Variants in POGLUT2 observed in about 807,000 individuals in gnomAD.
POGLUT2 encodes protein O-glucosyltransferase 2.
Under a neutral mutation model 57.6 loss-of-function variants are expected in POGLUT2, and 47 were observed. That is an observed-to-expected ratio of 0.82 (90% CI 0.65 to 1.04). The LOEUF is 1.04. POGLUT2 is among the 50% of genes least tolerant of loss of function. POGLUT2 has a pLI of 0.00. For missense variants in POGLUT2, 565 were observed against 614.8 expected (o/e 0.92, Z 0.86); for synonymous variants, 200 against 218.8 (o/e 0.91, Z 0.76).
chr13:102,787,744 C>T (rs1878006843), intron 8 of POGLUT2, 90 bp downstream of exon 8: 2 of 621,892 alleles, frequency 3.2e-6, no homozygotes, highest in South Asian at 5.8e-5. Flanking sequence ...CCTATAGTAA[C>T]ATATGTTTAG....
chr13:102,785,782 T>C (rs4772500), intron 9 of POGLUT2, among the ~76,000 whole-genome samples: 97,043 of 152,088 alleles, frequency 0.64, 34,105 homozygotes, highest in Non-Finnish European at 0.79. Context: ...GAGATCCTTA[T>C]GTAGTGGTAT....
At chr13:102,786,435 C>A (rs1595305343) in intron 8 of POGLUT2, 96 bp from the exon 9 acceptor site, 1 of 819,706 alleles carries the variant, frequency 1.2e-6, no homozygotes, top group Non-Finnish European at 2.1e-6. Context: ...ATTCATTTAA[C>A]TCATGTGTGT....
At chr13:102,794,320 T>C (rs376938340) in intron 2 of POGLUT2, among the ~76,000 whole-genome samples, 1 of 152,166 alleles carries the variant, frequency 6.6e-6, no homozygotes, top group Admixed American at 6.5e-5. Context: ...CAGTGAAGTT[T>C]TGTGATATTT....
At position 102,789,140 on chromosome 13, in the gene POGLUT2, T is replaced by G. The variant is rs763839810; in HGVS notation, c.1165A>C (p.Lys389Gln). 9.3e-6 allele frequency: 15 copies of G among 1,614,046 alleles called. No homozygotes were observed. The highest frequency in any genetic ancestry group is 4.0e-5 in the African/African-American group (3 of 74,916). Residue 389 changes from lysine (K) to glutamine (Q), a missense_variant, in exon 7 of 10, where the codon AAG becomes CAG. Coordinates refer to ENST00000376004, the MANE Select transcript of POGLUT2 (RefSeq NM_024089.3). ...TGTTCATAGTAGATGGAATCCTGCT[T>G]CAGCACAACACTGTCACCAACTAGC... The part of the protein sequence containing the change: ...YLLVGDSVVL[K>Q]QDSIYYEHFY...
intron 2 of POGLUT2, 37 bp from the exon 3 acceptor site, chr13:102,793,843 A>T (rs372709514): frequency 6.5e-7 from 1 of 1,547,550 alleles, no homozygotes; most frequent in Non-Finnish European, 8.9e-7. Flanking sequence ...AACAGTGATC[A>T]TTTCACTCAG....
At chr13:102,797,602 C>T (rs1309023226) in intron 1 of POGLUT2, among the ~76,000 whole-genome samples, 1 of 146,734 alleles carries the variant, frequency 6.8e-6, no homozygotes, top group Non-Finnish European at 1.5e-5. Flanking sequence ...AATAGCCAGG[C>T]GAGGTGGCAC....
intron 2 of POGLUT2, 152 bp downstream of exon 2, chr13:102,796,652 A>G: frequency 4.6e-6 from 1 of 215,650 alleles, no homozygotes; most frequent in Non-Finnish European, 8.5e-6. Flanking sequence ...CTTAGCTTTC[A>G]AGTAGAAAGC....
In POGLUT2 at chr13:102,793,628, T is replaced by C. The variant is rs1595310705; in HGVS notation, c.567A>G (p.Leu189=). ...IPKRFGQRQS[L]CHYTLKDNKV... ...TGTTATCCTTTAAGGTGTAGTGACATAGGCTCTGCCTCTGTCCAAATCTTT... is the reference window on the plus strand; with the variant it reads ...TGTTATCCTTTAAGGTGTAGTGACACAGGCTCTGCCTCTGTCCAAATCTTT... Residue 189 remains leucine, a synonymous_variant, in exon 3 of 10, where the codon CTA becomes CTG. Coordinates refer to ENST00000376004, the MANE Select transcript of POGLUT2 (RefSeq NM_024089.3). 10 of 1,613,392 alleles carry C rather than the reference T, an allele frequency of 6.2e-6. No individual in the cohort carries two copies. Among genetic ancestry groups the C allele is most frequent in the Non-Finnish European group, 8.5e-6 (10 of 1,179,298 alleles).
At chr13:102,791,172 AATC>A (rs1295258796) in intron 5 of POGLUT2, 34 bp from the exon 6 acceptor site, 1 of 1,609,518 alleles carries the variant, frequency 6.2e-7, no homozygotes, top group East Asian at 2.2e-5. Flanking sequence ...TTTCCTCCCA[AATC>A]ATCATATCAC....
Position 102,791,446 on chromosome 13 carries a change from C to T in POGLUT2, c.673-16G>A, listed in dbSNP as rs774951117. ...GCATCTTCACCTAGAAAAAACAAAA[C>T]GAGGAGCTTATTCACATTTCCTGCA... On this transcript the variant is annotated splice_polypyrimidine_tract_variant and intron_variant, in intron 4 of 9. Coordinates refer to ENST00000376004, the MANE Select transcript of POGLUT2 (RefSeq NM_024089.3). The T allele has an allele frequency of 2.0e-5, 31 of 1,568,324 alleles. No homozygotes were observed. The highest frequency in any genetic ancestry group is 1.5e-4 in the African/African-American group (11 of 72,484).
chr13:102,792,950 AT>A (rs937540684), intron 4 of POGLUT2, among the ~76,000 whole-genome samples: 5 of 151,974 alleles, frequency 3.3e-5, no homozygotes, highest in Admixed American at 1.3e-4. Context: ...TAATTTTTGT[AT>A]TTTTTGTAGA....
At chr13:102,796,262 T>C (rs1254244946) in intron 2 of POGLUT2, among the ~76,000 whole-genome samples, 1 of 139,326 alleles carries the variant, frequency 7.2e-6, no homozygotes, top group East Asian at 2.1e-4. Context: ...GCCATTGCAC[T>C]CCAGCCTTGT....
Position 102,796,307 on chromosome 13 carries a change from A to T in POGLUT2, c.388+497T>A, listed in dbSNP as rs868242100. On this transcript the variant is annotated intron_variant, in intron 2 of 9. Transcript: ENST00000376004. ...AGACTCTGCCTCAAAAAAAAAAAAA[A>T]AAAAATAAATAAATAAATAAATAAA... 5.2e-4 allele frequency among the ~76,000 whole-genome samples: 77 copies of T among 146,900 alleles called. 1 individual carries two copies. The highest frequency in any genetic ancestry group is 1.3e-3 in the African/African-American group (50 of 39,738).
At chr13:102,789,319 G>A (rs1878080377) in intron 6 of POGLUT2, 98 bp from the exon 7 acceptor site, 3 of 1,032,138 alleles carry the variant, frequency 2.9e-6, no homozygotes, top group Non-Finnish European at 4.4e-6. Context: ...GCAATCCTCA[G>A]ACACAATTTG....
At chr13:102,788,117 A>C (rs1787625249) in intron 7 of POGLUT2, among the ~76,000 whole-genome samples, 194 bp from the exon 8 acceptor site, 1 of 152,216 alleles carries the variant, frequency 6.6e-6, no homozygotes, top group Non-Finnish European at 1.5e-5. Context: ...CTAAGACTTA[A>C]AAGTTTGAAA....
chr13:102,795,343 A>T (rs1296993347), intron 2 of POGLUT2, among the ~76,000 whole-genome samples: 1 of 151,752 alleles, frequency 6.6e-6, no homozygotes, highest in African/African-American at 2.4e-5. Context: ...TGGGCAGATC[A>T]CTTGAGCTCC....
chr13:102,795,641 A>G lies in POGLUT2; in HGVS notation c.388+1163T>C, dbSNP rs1320022513. ...ACTAATTTTATAACAAATTAATTAC[A>G]GTCTGCACTGAGGTTTTTACTGTTA... On this transcript the variant is annotated intron_variant, in intron 2 of 9. Coordinates refer to ENST00000376004, the MANE Select transcript of POGLUT2 (RefSeq NM_024089.3). 2.6e-5 allele frequency among the ~76,000 whole-genome samples: 4 copies of G among 152,210 alleles called. No homozygotes were observed. The East Asian group carries it at 7.7e-4, about 29-fold the overall frequency.
chr13:102,789,173 G>T lies in POGLUT2; in HGVS notation c.1132C>A (p.Pro378Thr), dbSNP rs760837025. 6.2e-7 allele frequency: 1 copy of T among 1,613,990 alleles called. No individual in the cohort carries two copies. The highest frequency in any genetic ancestry group is 8.5e-7 in the Non-Finnish European group (1 of 1,180,000). Residue 378 changes from proline to threonine, a missense_variant, in exon 7 of 10, where the codon CCA becomes ACA. Transcript: ENST00000376004. ...IDGTVAAYRLPYLLVGDSVVL... is the reference protein window; with the variant it reads ...IDGTVAAYRLTYLLVGDSVVL... ...ACACTGTCACCAACTAGCAAATATG[G>T]CAGGCGATAAGCTGCTACAGTGCCA...
At chr13:102,788,174 G>A (rs1878025300) in intron 7 of POGLUT2, among the ~76,000 whole-genome samples, 1 of 152,348 alleles carries the variant, frequency 6.6e-6, no homozygotes, top group Middle Eastern at 3.4e-3. Context: ...GAGAGACAAG[G>A]TTGTACACCA....
Sources: allele counts gnomAD v4.1 joint callset (sites outside exome capture counted in the v4.1 genomes callset), GRCh38; gene constraint gnomAD v4.1.1; transcripts MANE v1.5; gene names NCBI Gene and HGNC (gene_info 2026-07-23, HGNC 2026-07-21).